Variants in SAMM50 observed in about 807,000 individuals in gnomAD.
SAMM50 encodes the protein sorting and assembly machinery component 50 homolog.
A neutral mutation model predicts 66.9 loss-of-function variants in SAMM50; 47 were observed. That is an observed-to-expected ratio of 0.70 (90% confidence interval 0.56 to 0.90). The LOEUF (loss-of-function observed/expected upper bound fraction) is 0.90, where lower values mean the gene tolerates loss of function less well. SAMM50 is among the 40% of genes least tolerant of loss of function. The probability of loss-of-function intolerance (pLI) is 0.00; values close to 1 mark genes in which losing one functional copy is unlikely to be tolerated. For synonymous variants in SAMM50, 191 were observed against 214.1 expected (o/e 0.89, Z 0.94); for missense variants, 535 against 595.3 (o/e 0.90, Z 1.05).
At chr22:43,978,292 G>A (rs1045046524) in intron 10 of SAMM50, among the ~76,000 whole-genome samples, 2 of 151,768 alleles carry the variant, frequency 1.3e-5, no homozygotes, top group Non-Finnish European at 2.9e-5. Flanking sequence ...AAAATTAGCC[G>A]GGCGTGGTGG....
chr22:43,987,144 G>C (rs567472604), intron 12 of SAMM50: 2 of 152,312 alleles, frequency 1.3e-5, no homozygotes, highest in African/African-American at 4.8e-5. Context: ...CGGTTGGCCA[G>C]ACTCTGTGGG....
At chr22:43,962,914 T>TTTA (rs2050154167) in intron 1 of SAMM50, among the ~76,000 whole-genome samples, 2 of 137,288 alleles carry the variant, frequency 1.5e-5, no homozygotes, top group African/African-American at 5.8e-5. Context: ...TTTTTTTTTT[T>TTTA]AGAGATGGGG....
chr22:43,995,511 T>G (rs893178288), intron 14 of SAMM50: 1 of 152,304 alleles, frequency 6.6e-6, no homozygotes, highest in Non-Finnish European at 1.5e-5. Context: ...TAGGCCCACC[T>G]TGTCCCAAAT....
intron 14 of SAMM50, chr22:43,995,498 G>T (rs936626103): frequency 1.3e-5 from 2 of 152,296 alleles, no homozygotes; most frequent in African/African-American, 4.8e-5. Context: ...GAGGTCCCTA[G>T]GTTAGGCCCA....
intron 4 of SAMM50, 68 bp downstream of exon 4, chr22:43,968,886 C>T (rs2050188998): frequency 1.8e-6 from 2 of 1,087,092 alleles, no homozygotes; most frequent in Admixed American, 1.7e-5. Context: ...GTTTTTATGG[C>T]CAGATGCAGA....
At chr22:43,987,826 A>G (rs1044523206) in intron 12 of SAMM50, 1 of 152,086 alleles carries the variant, frequency 6.6e-6, no homozygotes, top group Non-Finnish European at 1.5e-5. Flanking sequence ...CCCCATTTTC[A>G]AGGAAGATAA....
chr22:43,962,740 C>T (rs896290684), intron 1 of SAMM50, among the ~76,000 whole-genome samples: 16 of 151,986 alleles, frequency 1.1e-4, no homozygotes, highest in Admixed American at 6.6e-4. Flanking sequence ...TTCCTTTTTT[C>T]CCCTGATAAA....
rs751476015 is a variant in SAMM50 at position 43,968,750 on chromosome 22, A to G, written c.254A>G (p.Glu85Gly). ...TTATAGGTAATGCGGAAATCTCATG[A>G]AGCCCGTGAAAAATTGCTCCGTCTT... ...NLIEVMRKSH[E>G]AREKLLRLGI... Residue 85 changes from glutamate to glycine, a missense_variant, in exon 4 of 15, where the codon GAA becomes GGA. Glu to Gly is a moderately conservative substitution (Grantham distance 98). Transcript: ENST00000350028. 5.6e-6 allele frequency: 9 copies of G among 1,612,512 alleles called. No homozygotes were observed. The highest frequency in any genetic ancestry group is 7.6e-6 in the Non-Finnish European group (9 of 1,178,620).
At chr22:43,968,226 C>CAAAAAAAAAAAAAAAAAAAAGATAAAAA (rs2050183677) in intron 3 of SAMM50, among the ~76,000 whole-genome samples, 1 of 68,648 alleles carries the variant, frequency 1.5e-5, no homozygotes, top group Non-Finnish European at 2.8e-5. Context: ...AACTCTGTCT[C>CAAAAAAAAAAAAAAAAAAAAGATAAAAA]AAAAAAAAAA....
chr22:43,971,629 TGTTTGCTTAA>T (rs887754694), intron 4 of SAMM50, among the ~76,000 whole-genome samples: 2 of 152,206 alleles, frequency 1.3e-5, no homozygotes, highest in African/African-American at 2.4e-5. Flanking sequence ...TAGCAAATAT[TGTTTGCTTAA>T]GTTTGCTTAA....
chr22:43,995,572 T>C (rs1043262822), intron 14 of SAMM50: 1 of 152,486 alleles, frequency 6.6e-6, no homozygotes, highest in Non-Finnish European at 1.5e-5. Flanking sequence ...ACAGAGCTGC[T>C]GCAGGCATGC....
intron 3 of SAMM50, among the ~76,000 whole-genome samples, chr22:43,964,875 G>A (rs9626072): frequency 6.6e-6 from 1 of 152,256 alleles, no homozygotes; most frequent in South Asian, 2.1e-4. Context: ...CCCAGGCACC[G>A]CGCTGAGTTC....
At position 43,964,527 on chromosome 22, in the gene SAMM50, G is replaced by A; in HGVS notation, c.208G>A (p.Val70Ile). The change falls in exon 3 of 15, where the codon GTT (valine) becomes ATT (isoleucine). Residue 70 changes from valine (V) to isoleucine (I), a missense_variant. Val to Ile is a conservative substitution (Grantham distance 29). Transcript: ENST00000350028. The stretch of plus-strand genomic sequence containing the variant: ...TATCATCATTTGTGAAATTGGAGAT[G>A]TTTTCAAGGCCAAAAACCTAATTGA... ...DDIIICEIGD[V>I]FKAKNLIEVM... 3 of 1,608,306 alleles carry A rather than the reference G, an allele frequency of 1.9e-6. No homozygotes were observed. The highest frequency in any genetic ancestry group is 8.5e-7 in the Non-Finnish European group (1 of 1,174,718).
chr22:43,959,849 G>C (rs2050139480), intron 1 of SAMM50, among the ~76,000 whole-genome samples: 2 of 152,070 alleles, frequency 1.3e-5, no homozygotes, highest in South Asian at 4.1e-4. Flanking sequence ...CTAATATTTT[G>C]ATTAAAGTAT....
At chr22:43,959,197 T>G (rs2050135845) in intron 1 of SAMM50, among the ~76,000 whole-genome samples, 1 of 151,964 alleles carries the variant, frequency 6.6e-6, no homozygotes, top group Admixed American at 6.6e-5. Context: ...TTTTGTATTT[T>G]TACCTGAGAT....
At chr22:43,968,853 T>C in intron 4 of SAMM50, 35 bp downstream of exon 4, 1 of 1,461,116 alleles carries the variant, frequency 6.8e-7, no homozygotes, top group South Asian at 1.1e-5. Flanking sequence ...TATAATTCCC[T>C]TTCTGTCCAT....
At chr22:43,958,067 T>C (rs1319353836) in intron 1 of SAMM50, among the ~76,000 whole-genome samples, 1 of 152,230 alleles carries the variant, frequency 6.6e-6, no homozygotes, top group African/African-American at 2.4e-5. Flanking sequence ...TCCAGAATTC[T>C]TGTTAGCCCT....
chr22:43,978,012 C>G (rs905409697), intron 10 of SAMM50, 54 bp downstream of exon 10: 7 of 1,198,522 alleles, frequency 5.8e-6, no homozygotes, highest in Non-Finnish European at 8.6e-6. Context: ...CTTTGGGGAT[C>G]TTACCACAGA....
At chr22:43,961,982 ATGTGTGTGTGTGTGTGTCTGTG>A (rs2050149126) in intron 1 of SAMM50, among the ~76,000 whole-genome samples, 1 of 151,132 alleles carries the variant, frequency 6.6e-6, no homozygotes, top group African/African-American at 2.4e-5. Context: ...TCAAGTGATT[ATGTGTGTGTGTGTGTGTCTGTG>A]TGTGTGTGTG....
Sources: allele counts gnomAD v4.1 joint callset (sites outside exome capture counted in the v4.1 genomes callset), GRCh38; gene constraint gnomAD v4.1.1; transcripts MANE v1.5; gene names NCBI Gene and HGNC (gene_info 2026-07-23, HGNC 2026-07-21).